The following NTM variants were observed in gnomAD, a reference collection of about 807,000 sequenced individuals.
NTM encodes the protein IgLON family member 2.
In NTM, 13 loss-of-function variants were observed where a neutral mutation model predicts 42.1. The ratio of observed to expected loss-of-function variants is 0.31; its 90% CI spans 0.20 to 0.49. The LOEUF is 0.49. Among genes scored for constraint, NTM ranks in the 20% least tolerant of loss-of-function variants. NTM has a pLI of 0.99. For synonymous variants in NTM, 187 were observed against 179.2 expected, an observed-to-expected ratio of 1.04 and a Z score of -0.35; for missense variants, 373 against 452.8, an observed-to-expected ratio of 0.82 and a Z score of 1.60.
rs527718389 is a variant in NTM, at chr11:131,650,562, G to GAC, written c.83-261001_83-261000insCA. On this transcript the variant is annotated intron_variant, in intron 1 of 8. Coordinates refer to ENST00000683400, the MANE Select transcript of NTM (RefSeq NM_001352005.2). Reference sequence around the variant, plus strand: ...ACAGTAAAAATAACAAGACTGCTGAGAAGATGTTTGTGAAGATAAAATGAG... The same window carrying GAC: ...ACAGTAAAAATAACAAGACTGCTGAGACAAGATGTTTGTGAAGATAAAATGAG... 6.6e-5 allele frequency among the ~76,000 whole-genome samples: 10 copies of GAC among 152,274 alleles called. No individual in the cohort carries two copies. The East Asian group carries it at 1.9e-3, about 29-fold the overall frequency.
chr11:131,772,953 A>G (rs1332650112), intron 1 of NTM, among the ~76,000 whole-genome samples: 7 of 152,242 alleles, frequency 4.6e-5, no homozygotes, highest in Admixed American at 4.6e-4. Flanking sequence ...GACAAAGAGA[A>G]GAGACATTTA....
At position 131,989,873 on chromosome 11, in the gene NTM, T is replaced by C. The variant is rs116268752; in HGVS notation, c.167+78225T>C. On this transcript the variant is annotated intron_variant, in intron 2 of 8. Coordinates refer to ENST00000683400, the MANE Select transcript of NTM (RefSeq NM_001352005.2). Reference sequence around the variant, plus strand: ...GTGAATGCTCTTAAAGCTTTTGTTTTGTAGTAATACGTGAGATTTCTATTC... The same window carrying C: ...GTGAATGCTCTTAAAGCTTTTGTTTCGTAGTAATACGTGAGATTTCTATTC... Among the ~76,000 whole-genome samples the C allele has an allele frequency of 5.7e-3, 871 of 152,278 alleles. 9 individuals carry two copies. Among genetic ancestry groups the C allele is most frequent in the African/African-American group, 0.02 (829 of 41,574 alleles).
chr11:131,424,590 C>CTTTTTTTTTTTTTTTTTTT (rs1565486929), intron 1 of NTM, among the ~76,000 whole-genome samples: 1 of 51,652 alleles, frequency 1.9e-5, no homozygotes, highest in Admixed American at 1.9e-4. Context: ...TTTTTTATTT[C>CTTTTTTTTTTTTTTTTTTT]TTTTCTTTTC....
At chr11:131,390,719 G>A (rs1367501403) in intron 1 of NTM, among the ~76,000 whole-genome samples, 1 of 152,118 alleles carries the variant, frequency 6.6e-6, no homozygotes, top group African/African-American at 2.4e-5. Flanking sequence ...GGTTCTCAAA[G>A]TGTGGTCCCT....
intron 1 of NTM, among the ~76,000 whole-genome samples, chr11:131,473,937 T>C (rs1460443456): frequency 6.6e-6 from 1 of 152,186 alleles, no homozygotes; most frequent in African/African-American, 2.4e-5. Flanking sequence ...GAGTTTTCCC[T>C]TAAAATTAAG....
chr11:131,616,736 C>T (rs1331433188), intron 1 of NTM, among the ~76,000 whole-genome samples: 1 of 151,162 alleles, frequency 6.6e-6, no homozygotes, highest in Non-Finnish European at 1.5e-5. Context: ...CAGGAGGAAA[C>T]TCAGATTGAG....
At chr11:131,888,431 G>T (rs80258812) in intron 1 of NTM, among the ~76,000 whole-genome samples, 6,063 of 152,228 alleles carry the variant, frequency 0.04, 407 homozygotes, top group African/African-American at 0.14. Context: ...CCATCTGCCA[G>T]CCCGGATCTC....
intron 3 of NTM, among the ~76,000 whole-genome samples, chr11:132,193,002 A>G (rs1240832637): frequency 6.6e-6 from 1 of 151,816 alleles, no homozygotes; most frequent in African/African-American, 2.4e-5. Context: ...GATTCATAAA[A>G]CAACTTCTTA....
At chr11:131,744,211 G>C (rs969876664) in intron 1 of NTM, among the ~76,000 whole-genome samples, 1 of 152,136 alleles carries the variant, frequency 6.6e-6, no homozygotes, top group Admixed American at 6.6e-5. Flanking sequence ...TGTTTGTAAA[G>C]TACTTTAGAT....
intron 8 of NTM, chr11:132,332,293 G>A (rs2095814566): frequency 6.5e-6 from 1 of 152,676 alleles, no homozygotes; most frequent in Admixed American, 6.5e-5. Flanking sequence ...TGCTGCTGAA[G>A]AGACAGGTTC....
chr11:131,710,278 T>G (rs2076988087), intron 1 of NTM, among the ~76,000 whole-genome samples: 1 of 152,186 alleles, frequency 6.6e-6, no homozygotes. Context: ...CTCTTATCTA[T>G]TTTTCAAAAC....
chr11:131,602,719 A>G (rs1376710290), intron 1 of NTM, among the ~76,000 whole-genome samples: 1 of 152,164 alleles, frequency 6.6e-6, no homozygotes, highest in Admixed American at 6.5e-5. Context: ...CACCTTTCAG[A>G]AAGCTCAAAC....
At chr11:131,461,250 A>C (rs1385311954) in intron 1 of NTM, among the ~76,000 whole-genome samples, 1 of 152,030 alleles carries the variant, frequency 6.6e-6, no homozygotes, top group Non-Finnish European at 1.5e-5. Flanking sequence ...TATAATCCCA[A>C]CTCCCTTATT....
Position 131,818,864 on chromosome 11 carries a change from C to T in NTM, c.83-92700C>T, listed in dbSNP as rs1592071328. 3.9e-5 allele frequency among the ~76,000 whole-genome samples: 6 copies of T among 152,246 alleles called. No individual in the cohort carries two copies. The South Asian group carries it at 1.0e-3, about 26-fold the overall frequency. Reference sequence around the variant, plus strand: ...TAGATACACATCTTTGATCTCCCCGCAGAGATGCAGTACACGGAAAAGGAA... The same window carrying T: ...TAGATACACATCTTTGATCTCCCCGTAGAGATGCAGTACACGGAAAAGGAA... On this transcript the variant is annotated intron_variant, in intron 1 of 8. Transcript: ENST00000683400.
chr11:131,545,584 G>A (rs976720817), intron 1 of NTM, among the ~76,000 whole-genome samples: 2 of 152,146 alleles, frequency 1.3e-5, no homozygotes, highest in Non-Finnish European at 2.9e-5. Flanking sequence ...TCTCAGAATA[G>A]AGAGCTGAAC....
rs985914720 is a variant in NTM at position 131,421,400 on chromosome 11, G to C, written c.82+50512G>C. Among the ~76,000 whole-genome samples the C allele has an allele frequency of 9.9e-5, 15 of 152,202 alleles. No homozygotes were observed. In the South Asian group the frequency reaches 1.2e-3, roughly 13 times the overall value. On this transcript the variant is annotated intron_variant, in intron 1 of 8. Coordinates refer to ENST00000683400, the MANE Select transcript of NTM (RefSeq NM_001352005.2). ...GGAGGCCGGTGTGCAGCCCTGCCTG[G>C]GGGGAGAGGAGGCATCAGAGGGATG...
intron 1 of NTM, among the ~76,000 whole-genome samples, chr11:131,552,353 A>G (rs966803768): frequency 6.6e-6 from 1 of 152,200 alleles, no homozygotes; most frequent in African/African-American, 2.4e-5. Context: ...TATGCATGCC[A>G]TATGGCCCAG....
chr11:131,829,620 T>C (rs576984252), intron 1 of NTM, among the ~76,000 whole-genome samples: 1 of 152,340 alleles, frequency 6.6e-6, no homozygotes, highest in Admixed American at 6.5e-5. Flanking sequence ...ATGTCTTTGC[T>C]ATTGTGAATA....
chr11:131,955,708 C>A (rs1475634350), intron 2 of NTM, among the ~76,000 whole-genome samples: 4 of 150,094 alleles, frequency 2.7e-5, no homozygotes, highest in African/African-American at 9.8e-5. Flanking sequence ...AGTGCCCCGA[C>A]CTCCCACCTC....
Sources: gnomAD v4.1 joint callset for allele counts (sites outside exome capture counted in the v4.1 genomes callset) on GRCh38, gnomAD v4.1.1 for gene constraint, MANE v1.5 for transcripts, NCBI Gene and HGNC (gene_info 2026-07-23, HGNC 2026-07-21) for gene names.